ATXN1: variants seen among roughly 807,000 people sequenced by gnomAD.
ATXN1 encodes the protein ataxin-1.
In ATXN1, 8 loss-of-function variants were observed where a neutral mutation model predicts 56.4. The observed-to-expected ratio is 0.14, with a 90% confidence interval of 0.08 to 0.26. The LOEUF is 0.26. Among genes scored for constraint, ATXN1 ranks in the 10% least tolerant of loss-of-function variants. ATXN1 has a pLI of 1.00. For synonymous variants in ATXN1, 514 were observed against 494.6 expected (o/e 1.04, Z -0.52); for missense variants, 987 against 1,106.5 (o/e 0.89, Z 1.53).
intron 2 of ATXN1, among the ~76,000 whole-genome samples, chr6:16,679,333 T>C (rs1236243162): frequency 1.4e-5 from 2 of 147,234 alleles, no homozygotes; most frequent in African/African-American, 2.5e-5. Context: ...GGTGGGTGGA[T>C]AGGTGGATGG....
intron 2 of ATXN1, among the ~76,000 whole-genome samples, chr6:16,744,210 A>T (rs916524924): frequency 1.4e-4 from 22 of 152,114 alleles, no homozygotes; most frequent in African/African-American, 5.3e-4. Context: ...AATCCCTAGG[A>T]AGTTGTTCCC....
chr6:16,668,181 TG>T (rs1371271029), intron 2 of ATXN1, among the ~76,000 whole-genome samples: 5 of 152,216 alleles, frequency 3.3e-5, no homozygotes, highest in Non-Finnish European at 7.3e-5. Flanking sequence ...ATGTTTTTTT[TG>T]TTTTTGTTTT....
chr6:16,399,812 C>T (rs565368605), intron 6 of ATXN1, among the ~76,000 whole-genome samples: 1 of 152,312 alleles, frequency 6.6e-6, no homozygotes, highest in East Asian at 1.9e-4. Context: ...ATAGGATGAT[C>T]TGGGCCCCAA....
intron 4 of ATXN1, among the ~76,000 whole-genome samples, chr6:16,542,419 T>C (rs1377157032): frequency 6.6e-6 from 1 of 152,170 alleles, no homozygotes; most frequent in Non-Finnish European, 1.5e-5. Flanking sequence ...ATTTTCATCT[T>C]CTCCCTCCTA....
chr6:16,575,189 G>A (rs558946959), intron 4 of ATXN1, among the ~76,000 whole-genome samples: 23 of 152,132 alleles, frequency 1.5e-4, no homozygotes, highest in African/African-American at 5.3e-4. Context: ...CTAAATGTTT[G>A]GGGTAGGGAT....
intron 6 of ATXN1, among the ~76,000 whole-genome samples, chr6:16,371,491 A>T (rs947471661): frequency 1.3e-5 from 2 of 152,142 alleles, no homozygotes; most frequent in African/African-American, 4.8e-5. Context: ...ATAGCAAAAG[A>T]TATGCAAGAT....
Position 16,757,824 on chromosome 6 carries a change from C to T in ATXN1, c.-730+3474G>A, listed in dbSNP as rs1253188547. Among the ~76,000 whole-genome samples the T allele has an allele frequency of 7.4e-5, 9 of 120,932 alleles. No homozygotes were observed. The East Asian group carries it at 2.0e-3, about 27-fold the overall frequency. 79.3% of individuals were successfully genotyped at this position (120,932 alleles called of 152,430 possible). On this transcript the variant is annotated intron_variant, in intron 1 of 7. Transcript: ENST00000436367. ...CAGCACAGAGCTTCAGCAACTAAAG[C>T]AACTTTTCCTTTTTTCCTTTTTGCC...
At chr6:16,627,462 C>G (rs1763426500) in intron 3 of ATXN1, among the ~76,000 whole-genome samples, 1 of 152,192 alleles carries the variant, frequency 6.6e-6, no homozygotes, top group South Asian at 2.1e-4. Flanking sequence ...GGCGCGGTGG[C>G]TCACACTTGT....
intron 2 of ATXN1, chr6:16,750,054 T>C (rs1336601588): frequency 6.6e-6 from 1 of 152,458 alleles, no homozygotes; most frequent in African/African-American, 2.4e-5. Flanking sequence ...AGAAATGCAA[T>C]CTAGTCAGCA....
chr6:16,694,642 C>T (rs112495707), intron 2 of ATXN1, among the ~76,000 whole-genome samples: 2,249 of 152,284 alleles, frequency 0.015, 47 homozygotes, highest in African/African-American at 0.051. Context: ...GGGAAACACA[C>T]GTCAGCCTTA....
intron 6 of ATXN1, among the ~76,000 whole-genome samples, chr6:16,357,339 G>A (rs1464383838): frequency 4.0e-5 from 6 of 151,084 alleles, no homozygotes; most frequent in East Asian, 1.9e-4. Context: ...GCGTGACCCC[G>A]GCTCACTGCA....
intron 6 of ATXN1, among the ~76,000 whole-genome samples, chr6:16,367,636 G>T (rs767059854): frequency 6.6e-6 from 1 of 152,040 alleles, no homozygotes; most frequent in Non-Finnish European, 1.5e-5. Context: ...CTTTTCCTTA[G>T]AAGTAGAAAC....
At chr6:16,575,149 C>T (rs900076539) in intron 4 of ATXN1, among the ~76,000 whole-genome samples, 5 of 152,104 alleles carry the variant, frequency 3.3e-5, no homozygotes, top group African/African-American at 4.8e-5. Context: ...GATTCTTCAC[C>T]GTAAACTTTT....
chr6:16,752,965 A>C (rs906209090), intron 2 of ATXN1: 1 of 290,148 alleles, frequency 3.4e-6, no homozygotes, highest in Non-Finnish European at 6.8e-6. Flanking sequence ...GATGAGGTTC[A>C]AGCCCCAATT....
chr6:16,412,389 T>C (rs1462015583), intron 6 of ATXN1, among the ~76,000 whole-genome samples: 2 of 152,212 alleles, frequency 1.3e-5, no homozygotes, highest in African/African-American at 4.8e-5. Flanking sequence ...CCTTTTCTGC[T>C]TTATCTCAGA....
At chr6:16,419,579 G>T (rs1231057028) in intron 6 of ATXN1, among the ~76,000 whole-genome samples, 1 of 152,086 alleles carries the variant, frequency 6.6e-6, no homozygotes, top group African/African-American at 2.4e-5. Context: ...CCTGGCCCTG[G>T]GCAGTGCTAT....
chr6:16,641,563 A>G (rs1763706496), intron 3 of ATXN1, among the ~76,000 whole-genome samples: 2 of 152,246 alleles, frequency 1.3e-5, no homozygotes, highest in Non-Finnish European at 2.9e-5. Context: ...GCTCAGAAAA[A>G]GATTCCTTTC....
chr6:16,685,165 T>C (rs184076896), intron 2 of ATXN1, among the ~76,000 whole-genome samples: 64 of 152,324 alleles, frequency 4.2e-4, no homozygotes, highest in African/African-American at 1.4e-3. Flanking sequence ...GTTAAGTGTA[T>C]TGTAAATTTT....
chr6:16,483,904 T>C (rs1056398436), intron 6 of ATXN1, among the ~76,000 whole-genome samples: 1 of 152,160 alleles, frequency 6.6e-6, no homozygotes, highest in African/African-American at 2.4e-5. Context: ...AGGATAAAAA[T>C]GCTTTAAAAA....
Sources: gnomAD v4.1 joint callset for allele counts (sites outside exome capture counted in the v4.1 genomes callset) on GRCh38, gnomAD v4.1.1 for gene constraint, MANE v1.5 for transcripts, NCBI Gene and HGNC (gene_info 2026-07-23, HGNC 2026-07-21) for gene names.